The following CDH13 variants were observed in gnomAD, a reference collection of about 807,000 sequenced individuals.
CDH13 encodes the protein cadherin-13.
CDH13 carries 24 observed loss-of-function variants against 63.8 expected under a neutral mutation model. The observed-to-expected ratio is 0.38, with a 90% confidence interval of 0.27 to 0.53. The LOEUF (loss-of-function observed/expected upper bound fraction) is 0.53. Ranked by LOEUF, CDH13 falls within the 20% of genes least tolerant of loss-of-function variation. The probability of loss-of-function intolerance (pLI) is 0.85; values close to 1 mark genes in which losing one functional copy is unlikely to be tolerated. For missense variants in CDH13, 1,049 were observed against 903.1 expected, an observed-to-expected ratio of 1.16 and a Z score of -2.07; for synonymous variants, 503 against 355.3, an observed-to-expected ratio of 1.42 and a Z score of -4.67.
At chr16:83,699,114 G>T (rs1386795273) in intron 10 of CDH13, among the ~76,000 whole-genome samples, 1 of 152,218 alleles carries the variant, frequency 6.6e-6, no homozygotes, top group Non-Finnish European at 1.5e-5. Context: ...CAAGCCCTCG[G>T]CCAATGTTTG....
intron 4 of CDH13, among the ~76,000 whole-genome samples, chr16:83,142,238 A>G (rs1320386613): frequency 7.1e-6 from 1 of 141,162 alleles, no homozygotes; most frequent in Non-Finnish European, 1.5e-5. Context: ...TCAGCTCACC[A>G]CAGCCTCCGC....
intron 2 of CDH13, among the ~76,000 whole-genome samples, chr16:82,956,134 C>G (rs1906057497): frequency 6.6e-6 from 1 of 151,968 alleles, no homozygotes; most frequent in Non-Finnish European, 1.5e-5. Flanking sequence ...TTTAGCAAAT[C>G]AAGGGTGCTA....
chr16:82,880,633 A>G (rs912345686), intron 2 of CDH13, among the ~76,000 whole-genome samples: 38 of 152,342 alleles, frequency 2.5e-4, no homozygotes, highest in Admixed American at 2.1e-3. Context: ...TCAATGGCCA[A>G]CGGTGCCTGA....
chr16:82,940,123 C>T (rs2042787247), intron 2 of CDH13, among the ~76,000 whole-genome samples: 1 of 152,156 alleles, frequency 6.6e-6, no homozygotes, highest in African/African-American at 2.4e-5. Flanking sequence ...CCCACCAGGT[C>T]CCTCCCACAA....
At chr16:83,078,449 A>G (rs565975755) in intron 3 of CDH13, among the ~76,000 whole-genome samples, 5 of 152,266 alleles carry the variant, frequency 3.3e-5, no homozygotes, top group East Asian at 1.9e-4. Flanking sequence ...GAGGATCACA[A>G]TTGGGTTTGT....
chr16:83,577,973 A>G (rs1195580631), intron 7 of CDH13, among the ~76,000 whole-genome samples: 1 of 152,212 alleles, frequency 6.6e-6, no homozygotes, highest in Non-Finnish European at 1.5e-5. Flanking sequence ...AGAGTTCACT[A>G]TTCATACAGT....
At chr16:83,374,294 C>G (rs547547786) in intron 6 of CDH13, among the ~76,000 whole-genome samples, 1 of 152,308 alleles carries the variant, frequency 6.6e-6, no homozygotes, top group South Asian at 2.1e-4. Context: ...ATCCATTTAA[C>G]TATTGTAAAT....
chr16:83,771,429 G>A (rs1009553426), intron 11 of CDH13, among the ~76,000 whole-genome samples: 4 of 152,160 alleles, frequency 2.6e-5, no homozygotes, highest in Admixed American at 1.3e-4. Context: ...ATGTGCTGAG[G>A]CTCTTACAAG....
At chr16:83,068,911 C>G (rs560476650) in intron 3 of CDH13, among the ~76,000 whole-genome samples, 1 of 152,188 alleles carries the variant, frequency 6.6e-6, no homozygotes. Context: ...CATTATGACA[C>G]ATGATTGCCA....
intron 7 of CDH13, among the ~76,000 whole-genome samples, chr16:83,508,637 C>T (rs2074480593): frequency 6.6e-6 from 1 of 152,174 alleles, no homozygotes; most frequent in Admixed American, 6.5e-5. Context: ...TCCCGAGTCT[C>T]CCAGATGACC....
rs1052594710 is a variant in CDH13, at chr16:83,798,580, C to T, written c.*3550C>T. The stretch of plus-strand genomic sequence containing the variant: ...TGGCTTGCCCAAGGTAAGTGGCCTC[C>T]AGAACCAAACCTCAGGCTATCTGGC... On this transcript the variant is annotated 3_prime_UTR_variant, in exon 14 of 14. Coordinates refer to ENST00000567109, the MANE Select transcript of CDH13 (RefSeq NM_001257.5). 6.6e-6 allele frequency: 1 copy of T among 152,136 alleles called. No homozygotes were observed. Among genetic ancestry groups the T allele is most frequent in the Non-Finnish European group, 1.5e-5 (1 of 68,018 alleles). The allele number at this position is 152,136 out of a possible 1,614,324, so 9.4% of individuals were successfully genotyped here. A position where few individuals can be genotyped will look rare whatever the true frequency, so the allele number is the denominator to read the frequency against.
At chr16:83,026,493 T>TG (rs79049420) in intron 2 of CDH13, among the ~76,000 whole-genome samples, 11,909 of 152,026 alleles carry the variant, frequency 0.078, 647 homozygotes, top group East Asian at 0.25. Context: ...GGTTCGAGGG[T>TG]GGGGGGACAA....
intron 11 of CDH13, among the ~76,000 whole-genome samples, chr16:83,752,117 A>C (rs1913137371): frequency 6.6e-6 from 1 of 152,262 alleles, no homozygotes; most frequent in Non-Finnish European, 1.5e-5. Flanking sequence ...TAAAGTAACA[A>C]TGGCAGGGTT....
chr16:82,752,552 C>T (rs932044162), intron 1 of CDH13, among the ~76,000 whole-genome samples: 1 of 152,228 alleles, frequency 6.6e-6, no homozygotes, highest in Non-Finnish European at 1.5e-5. Flanking sequence ...AAACATGTGA[C>T]TTTTTACTTT....
chr16:83,197,830 A>G (rs1416497482), intron 4 of CDH13, among the ~76,000 whole-genome samples: 1 of 152,024 alleles, frequency 6.6e-6, no homozygotes, highest in Non-Finnish European at 1.5e-5. Context: ...ACACACACAC[A>G]CACACACACA....
chr16:83,669,733 C>G (rs1017021643), intron 8 of CDH13, among the ~76,000 whole-genome samples: 4 of 152,220 alleles, frequency 2.6e-5, no homozygotes, highest in African/African-American at 9.6e-5. Context: ...AACCTCATTT[C>G]TCAAATTACT....
intron 1 of CDH13, among the ~76,000 whole-genome samples, chr16:82,733,786 C>T (rs1016162329): frequency 6.6e-6 from 1 of 152,178 alleles, no homozygotes; most frequent in Non-Finnish European, 1.5e-5. Flanking sequence ...AGAAAAGAAA[C>T]ACACTACTTA....
intron 3 of CDH13, among the ~76,000 whole-genome samples, chr16:83,043,353 T>C (rs373542010): frequency 1.3e-4 from 20 of 152,238 alleles, no homozygotes; most frequent in East Asian, 3.9e-4. Flanking sequence ...AATTCTAAAT[T>C]TTATTTTATA....
intron 3 of CDH13, among the ~76,000 whole-genome samples, chr16:83,101,711 T>C (rs2034486978): frequency 6.6e-6 from 1 of 152,156 alleles, no homozygotes; most frequent in East Asian, 1.9e-4. Flanking sequence ...GGATAATCAA[T>C]TGAACCTGGG....
Sources: gnomAD v4.1 joint callset for allele counts (sites outside exome capture counted in the v4.1 genomes callset) on GRCh38, gnomAD v4.1.1 for gene constraint, MANE v1.5 for transcripts, NCBI Gene and HGNC (gene_info 2026-07-23, HGNC 2026-07-21) for gene names.